Variants in SS18L1 observed in about 807,000 individuals in gnomAD.
SS18L1 encodes SS18L1 subunit of BAF chromatin remodeling complex, also known as calcium-responsive transactivator.
SS18L1 carries 32 observed loss-of-function variants against 70.3 expected under a neutral mutation model. The observed-to-expected ratio is 0.46, with a 90% confidence interval of 0.34 to 0.61. The LOEUF (loss-of-function observed/expected upper bound fraction) is 0.61. Ranked by LOEUF, SS18L1 falls within the 20% of genes least tolerant of loss-of-function variation. The probability of loss-of-function intolerance (pLI) is 0.01; values close to 1 mark genes in which losing one functional copy is unlikely to be tolerated. For synonymous variants in SS18L1, 237 were observed against 229.7 expected (o/e 1.03, Z -0.29); for missense variants, 430 against 542.1 (o/e 0.79, Z 2.05).
intron 1 of SS18L1, among the ~76,000 whole-genome samples, chr20:62,153,122 A>G (rs554618079): frequency 7.9e-5 from 12 of 152,348 alleles, no homozygotes; most frequent in African/African-American, 2.9e-4. Flanking sequence ...CTTCTTCACA[A>G]GGCGGCAGGA....
chr20:62,177,584 A>ATGATGATCCGT (rs2145793919), intron 10 of SS18L1, among the ~76,000 whole-genome samples: 1 of 152,346 alleles, frequency 6.6e-6, no homozygotes, highest in African/African-American at 2.4e-5. Context: ...AGGCATGCAG[A>ATGATGATCCGT]TGATGATCCG....
At chr20:62,173,286 C>G (rs912327332) in intron 9 of SS18L1, among the ~76,000 whole-genome samples, 5 of 152,172 alleles carry the variant, frequency 3.3e-5, no homozygotes, top group Non-Finnish European at 7.4e-5. Flanking sequence ...GTGGGCTGCC[C>G]CAGGTCTTTT....
At chr20:62,156,897 C>T (rs1412061754) in intron 1 of SS18L1, among the ~76,000 whole-genome samples, 1 of 152,248 alleles carries the variant, frequency 6.6e-6, no homozygotes, top group African/African-American at 2.4e-5. Context: ...CCAAAAGGCA[C>T]TGCTTTTTCC....
chr20:62,170,368 T>C (rs1016265114), intron 8 of SS18L1, among the ~76,000 whole-genome samples: 1 of 152,126 alleles, frequency 6.6e-6, no homozygotes, highest in Admixed American at 6.5e-5. Context: ...TAGCTGGGCG[T>C]GGTGGCGGGC....
chr20:62,161,293 A>G lies in SS18L1; in HGVS notation c.232-143A>G. 2 of 1,179,280 alleles carry G rather than the reference A, an allele frequency of 1.7e-6. No individual in the cohort carries two copies. The highest frequency in any genetic ancestry group is 1.4e-5 in the South Asian group (1 of 73,492). 73.1% of individuals were successfully genotyped at this position (1,179,280 alleles called of 1,614,324 possible). On this transcript the variant is annotated intron_variant, in intron 3 of 10. Coordinates refer to ENST00000331758, the MANE Select transcript of SS18L1 (RefSeq NM_198935.3). The surrounding 1 kb of genome is among the most constrained non-coding windows in gnomAD (Gnocchi z 4.4). ...GCTCTGCGGTCACCTGGCTGTGACG[A>G]TGGCTGCTGATTACGAACATTGACC...
intron 8 of SS18L1, among the ~76,000 whole-genome samples, chr20:62,167,521 C>T (rs1184153662): frequency 1.3e-5 from 2 of 151,970 alleles, no homozygotes; most frequent in African/African-American, 2.4e-5. Context: ...GATTGCACTA[C>T]AGCACTCCAG....
rs1002766084 is a variant in SS18L1, at chr20:62,160,134, C to T, written c.231+173C>T. On this transcript the variant is annotated intron_variant, in intron 3 of 10. Transcript: ENST00000331758. ...GGCGGTGGTGACCAACCCTTCCTGA[C>T]AGACTGGGAGTAATGACAGCGTCTG... Among the ~76,000 whole-genome samples, 6 of 149,484 alleles carry T rather than the reference C, an allele frequency of 4.0e-5. No homozygotes were observed. In the Admixed American group the frequency reaches 4.0e-4, roughly 10 times the overall value.
intron 8 of SS18L1, among the ~76,000 whole-genome samples, chr20:62,165,997 G>T (rs1396102774): frequency 6.6e-6 from 1 of 152,180 alleles, no homozygotes; most frequent in African/African-American, 2.4e-5. Flanking sequence ...GTGGCTGGGG[G>T]CTTGCCGCCC....
intron 7 of SS18L1, among the ~76,000 whole-genome samples, chr20:62,165,199 G>A (rs1284998157): frequency 6.6e-6 from 1 of 152,226 alleles, no homozygotes; most frequent in African/African-American, 2.4e-5. Flanking sequence ...AAATCCCCAG[G>A]TAGCTTCACA....
rs373063815 is a variant in SS18L1 at position 62,161,319 on chromosome 20, A to G, written c.232-117A>G. On this transcript the variant is annotated intron_variant, in intron 3 of 10. Transcript: ENST00000331758. The surrounding 1 kb of genome is among the most constrained non-coding windows in gnomAD (Gnocchi z 4.4). The stretch of plus-strand genomic sequence containing the variant: ...TGGCTGCTGATTACGAACATTGACC[A>G]GGTGGCCATGATGTGTGGCGGCAAA... The G allele has an allele frequency of 9.2e-5, 130 of 1,411,150 alleles. 2 individuals carry two copies. The highest frequency in any genetic ancestry group is 6.0e-4 in the African/African-American group (42 of 70,158). 87.4% of individuals were successfully genotyped at this position (1,411,150 alleles called of 1,614,324 possible). A position where few individuals can be genotyped will look rare whatever the true frequency, so the allele number is the denominator to read the frequency against.
chr20:62,152,469 G>T (rs6062088), intron 1 of SS18L1, among the ~76,000 whole-genome samples: 1 of 152,130 alleles, frequency 6.6e-6, no homozygotes, highest in East Asian at 1.9e-4. Flanking sequence ...TTTCCCGGTG[G>T]CGTCTCTGGC....
Position 62,182,000 on chromosome 20 carries a change from G to A in SS18L1, c.*2792G>A. The A allele has an allele frequency of 4.4e-6, 1 of 228,624 alleles. No individual in the cohort carries two copies. The highest frequency in any genetic ancestry group is 8.7e-6 in the Non-Finnish European group (1 of 115,242). The allele number at this position is 228,624 out of a possible 1,614,324, so 14.2% of individuals were successfully genotyped here. A position where few individuals can be genotyped will look rare whatever the true frequency, so the allele number is the denominator to read the frequency against. ...AGTGCTGACAAATTCATATTGGTAT[G>A]CAAAAGCTCATCACCCATTAAGGTT... On this transcript the variant is annotated 3_prime_UTR_variant, in exon 11 of 11. Coordinates refer to ENST00000331758, the MANE Select transcript of SS18L1 (RefSeq NM_198935.3).
In SS18L1 at chr20:62,174,230, A is replaced by G. The variant is rs2145784082; in HGVS notation, c.1037-287A>G. On this transcript the variant is annotated intron_variant, in intron 9 of 10. Coordinates refer to ENST00000331758, the MANE Select transcript of SS18L1 (RefSeq NM_198935.3). The surrounding 1 kb of genome is among the most constrained non-coding windows in gnomAD (Gnocchi z 4.1). ...TAGCAGCAGTTCTGGGGTGATGGAGAGAGCCCATCAGCCCTCGCCATGCTG... is the reference window on the plus strand; with the variant it reads ...TAGCAGCAGTTCTGGGGTGATGGAGGGAGCCCATCAGCCCTCGCCATGCTG... 6.6e-6 allele frequency among the ~76,000 whole-genome samples: 1 copy of G among 151,984 alleles called. No individual in the cohort carries two copies. Among genetic ancestry groups the G allele is most frequent in the Admixed American group, 6.6e-5 (1 of 15,266 alleles).
chr20:62,153,526 C>T (rs1449209927), intron 1 of SS18L1, among the ~76,000 whole-genome samples: 1 of 152,078 alleles, frequency 6.6e-6, no homozygotes, highest in African/African-American at 2.4e-5. Context: ...CCCACTCATA[C>T]CCGTCAGAGT....
chr20:62,148,051 C>G (rs1020742080), intron 1 of SS18L1, among the ~76,000 whole-genome samples: 1 of 152,182 alleles, frequency 6.6e-6, no homozygotes, highest in Non-Finnish European at 1.5e-5. Flanking sequence ...TGCCGAGCCT[C>G]CCTTGCATGT....
In SS18L1 at chr20:62,161,583, G is replaced by A; in HGVS notation, c.376+3G>A. Reference sequence around the variant, plus strand: ...CCTGCAGGGCCAGATTGGCAACGGTGAGTGCGGCGGGGGAGGAGGACGTTC... The same window carrying A: ...CCTGCAGGGCCAGATTGGCAACGGTAAGTGCGGCGGGGGAGGAGGACGTTC... On this transcript the variant is annotated splice_donor_region_variant and intron_variant, in intron 4 of 10. Coordinates refer to ENST00000331758, the MANE Select transcript of SS18L1 (RefSeq NM_198935.3). This position sits in a 1 kb window ranked among gnomAD's most constrained non-coding sequence, Gnocchi z 4.4. 6.2e-7 allele frequency: 1 copy of A among 1,604,248 alleles called. No individual in the cohort carries two copies. The highest frequency in any genetic ancestry group is 8.5e-7 in the Non-Finnish European group (1 of 1,172,942).
rs748398807 is a variant in SS18L1, at chr20:62,172,743, G to C, written c.978G>C (p.Thr326=). ...AGCAGGGTGCCGCGCAGCAGCAGACGTACTCCCAGCAGCAGTACCCCAGCC... is the reference window on the plus strand; with the variant it reads ...AGCAGGGTGCCGCGCAGCAGCAGACCTACTCCCAGCAGCAGTACCCCAGCC... ...GYQQGAAQQQ[T]YSQQQYPSQQ... is the part of the protein sequence containing the mutation. The change falls in exon 9 of 11, where the codon ACG becomes ACC. Residue 326 remains threonine (T), a synonymous_variant. Coordinates refer to ENST00000331758, the MANE Select transcript of SS18L1 (RefSeq NM_198935.3). 1 of 1,613,994 alleles carries C rather than the reference G, an allele frequency of 6.2e-7. No individual in the cohort carries two copies. The highest frequency in any genetic ancestry group is 8.5e-7 in the Non-Finnish European group (1 of 1,180,014).
intron 7 of SS18L1, 123 bp from the exon 8 acceptor site, chr20:62,165,299 C>T (rs1325994046): frequency 1.1e-6 from 1 of 905,452 alleles, no homozygotes; most frequent in African/African-American, 1.6e-5. Context: ...GAACACGGGT[C>T]CTGCCGGCTC....
intron 1 of SS18L1, among the ~76,000 whole-genome samples, chr20:62,145,172 T>C (rs1600978411): frequency 6.6e-6 from 1 of 152,256 alleles, no homozygotes; most frequent in Admixed American, 6.5e-5. Flanking sequence ...TATGTGGCGC[T>C]TACCGTATCC....
Sources: gnomAD v4.1 joint callset for allele counts (sites outside exome capture counted in the v4.1 genomes callset) on GRCh38, gnomAD v4.1.1 for gene constraint, Gnocchi (gnomAD v3.1) non-coding constraint, MANE v1.5 for transcripts, NCBI Gene and HGNC (gene_info 2026-07-23, HGNC 2026-07-21) for gene names.